LPXN: variants seen among roughly 807,000 people sequenced by gnomAD.
The protein encoded by LPXN is leupaxin.
LPXN carries 28 observed loss-of-function variants against 45.6 expected under a neutral mutation model. That is an observed-to-expected ratio of 0.61 (90% confidence interval 0.45 to 0.84). The LOEUF (loss-of-function observed/expected upper bound fraction) is 0.84. Ranked by LOEUF, LPXN falls within the 40% of genes least tolerant of loss-of-function variation. The probability of loss-of-function intolerance (pLI) is 0.00; values close to 1 mark genes in which losing one functional copy is unlikely to be tolerated. For missense variants in LPXN, 459 were observed against 475.0 expected (o/e 0.97, Z 0.31); for synonymous variants, 166 against 169.9 (o/e 0.98, Z 0.18).
intron 2 of LPXN, among the ~76,000 whole-genome samples, chr11:58,564,739 G>A (rs976678131): frequency 1.3e-5 from 2 of 152,166 alleles, no homozygotes; most frequent in African/African-American, 4.8e-5. Context: ...CTTACATTCT[G>A]GTGCTGTGAA....
chr11:58,570,436 AT>A (rs942336178), intron 2 of LPXN, 119 bp downstream of exon 2: 2 of 683,370 alleles, frequency 2.9e-6, no homozygotes, highest in Non-Finnish European at 2.3e-6. Flanking sequence ...TTGAGGCATT[AT>A]TTTTTCTCTT....
At chr11:58,576,237 G>C (rs1366299179), upstream of LPXN, among the ~76,000 whole-genome samples, 1 of 150,966 alleles carries the variant, frequency 6.6e-6, no homozygotes, top group East Asian at 1.9e-4. Context: ...CTTAAAATTT[G>C]CATCAGAGTT....
intron 3 of LPXN, among the ~76,000 whole-genome samples, chr11:58,559,257 T>C (rs1292690161): frequency 6.6e-6 from 1 of 152,132 alleles, no homozygotes; most frequent in Non-Finnish European, 1.5e-5. Flanking sequence ...GGTGGTTATA[T>C]AAATTTATAA....
chr11:58,534,616 G>C (rs755242182), intron 7 of LPXN, among the ~76,000 whole-genome samples: 4 of 152,158 alleles, frequency 2.6e-5, no homozygotes, highest in Non-Finnish European at 2.9e-5. Flanking sequence ...AAAAGAACTA[G>C]AGAAGCAAGA....
intron 4 of LPXN, among the ~76,000 whole-genome samples, chr11:58,551,943 T>C (rs185161467): frequency 6.6e-6 from 1 of 152,110 alleles, no homozygotes; most frequent in East Asian, 1.9e-4. Context: ...AGAAGAAAAG[T>C]CAAAGAGGTC....
At chr11:58,537,076 G>C (rs374168878) in intron 7 of LPXN, among the ~76,000 whole-genome samples, 1 of 130,520 alleles carries the variant, frequency 7.7e-6, no homozygotes, top group African/African-American at 2.8e-5. Context: ...GTGTAAATTA[G>C]TTCAACCATT....
chr11:58,540,946 C>T (rs1461100181), intron 7 of LPXN, among the ~76,000 whole-genome samples: 2 of 152,146 alleles, frequency 1.3e-5, no homozygotes, highest in East Asian at 1.9e-4. Flanking sequence ...GGGAAGGATT[C>T]CCCATTTAAT....
chr11:58,546,313 A>C (rs1055251975), intron 7 of LPXN, among the ~76,000 whole-genome samples: 3 of 152,222 alleles, frequency 2.0e-5, no homozygotes, highest in African/African-American at 7.2e-5. Flanking sequence ...GACTGGTTGA[A>C]AGTCTAAAGA....
chr11:58,535,841 T>C (rs1853535115), intron 7 of LPXN, among the ~76,000 whole-genome samples: 1 of 152,190 alleles, frequency 6.6e-6, no homozygotes, highest in Non-Finnish European at 1.5e-5. Context: ...ACAAAATCAA[T>C]GCGCAAAAAT....
chr11:58,552,342 C>T (rs755766719), intron 4 of LPXN, among the ~76,000 whole-genome samples: 9 of 151,720 alleles, frequency 5.9e-5, no homozygotes, highest in Non-Finnish European at 8.8e-5. Context: ...GCTAACTGAC[C>T]CTTCATAACC....
intron 7 of LPXN, among the ~76,000 whole-genome samples, chr11:58,546,761 C>T (rs1853886308): frequency 6.6e-6 from 1 of 152,038 alleles, no homozygotes; most frequent in Non-Finnish European, 1.5e-5. Flanking sequence ...TTGGGAAAGA[C>T]CAGTGTAAAC....
intron 3 of LPXN, among the ~76,000 whole-genome samples, chr11:58,562,838 T>G (rs1854419514): frequency 6.6e-6 from 1 of 152,126 alleles, no homozygotes. Context: ...TGGATTTCAC[T>G]GCTTTTTACC....
intron 7 of LPXN, among the ~76,000 whole-genome samples, chr11:58,544,040 A>G (rs1365375673): frequency 2.6e-5 from 4 of 152,122 alleles, no homozygotes; most frequent in African/African-American, 4.8e-5. Context: ...CAGAATTTTG[A>G]GGCCTACAGA....
Position 58,528,065 on chromosome 11 carries a change from TG to T in LPXN, c.868del (p.His290ThrfsTer70). 6.2e-7 allele frequency: 1 copy of T among 1,614,220 alleles called. No homozygotes were observed. Among genetic ancestry groups the T allele is most frequent in the South Asian group, 1.1e-5 (1 of 91,090 alleles). On this transcript the variant is annotated frameshift_variant, in exon 8 of 9. Coordinates refer to ENST00000395074, the MANE Select transcript of LPXN (RefSeq NM_004811.3). LOFTEE classifies it high-confidence loss of function. ...GACCCCACAAACAAAGCACTCTGGG[TG>T]CCAGACAGTGTCCATGGCTGAAAGG... ...NYLSAMDTVW[H>X]PECFVCGDCF...
At chr11:58,531,221 T>C (rs960909675) in intron 7 of LPXN, among the ~76,000 whole-genome samples, 1 of 151,960 alleles carries the variant, frequency 6.6e-6, no homozygotes, top group Admixed American at 6.6e-5. Context: ...CTGATAGAAG[T>C]AGGCTTCAGA....
chr11:58,544,868 C>T (rs749828636), intron 7 of LPXN, among the ~76,000 whole-genome samples: 16 of 152,100 alleles, frequency 1.1e-4, no homozygotes, highest in Non-Finnish European at 1.5e-4. Flanking sequence ...GAGCTCATCC[C>T]TGTGGGAGGA....
chr11:58,572,411 C>A (rs1854734244), intron 1 of LPXN, among the ~76,000 whole-genome samples: 1 of 151,526 alleles, frequency 6.6e-6, no homozygotes, highest in Non-Finnish European at 1.5e-5. Context: ...AAATGAATAA[C>A]TGTAATGGGA....
At chr11:58,571,196 C>T (rs1337320131) in intron 1 of LPXN, among the ~76,000 whole-genome samples, 1 of 151,874 alleles carries the variant, frequency 6.6e-6, no homozygotes, top group Non-Finnish European at 1.5e-5. Flanking sequence ...AAAAGTCAGC[C>T]CAGCATGGTG....
chr11:58,563,570 ATAAG>A (rs952566925), intron 3 of LPXN, among the ~76,000 whole-genome samples: 10 of 152,258 alleles, frequency 6.6e-5, no homozygotes, highest in African/African-American at 2.4e-4. Context: ...TAAGGAGAGA[ATAAG>A]TAAGTTAATC....
Sources: allele counts gnomAD v4.1 joint callset (sites outside exome capture counted in the v4.1 genomes callset), GRCh38; gene constraint gnomAD v4.1.1; transcripts MANE v1.5; gene names NCBI Gene and HGNC (gene_info 2026-07-23, HGNC 2026-07-21).